The following DPF3 variants were observed in gnomAD, a reference collection of about 807,000 sequenced individuals.
The protein encoded by DPF3 is zinc finger protein DPF3.
A neutral mutation model predicts 56.8 loss-of-function variants in DPF3; 18 were observed. The observed-to-expected ratio is 0.32, with a 90% CI of 0.22 to 0.47. The LOEUF is 0.47. Among genes scored for constraint, DPF3 ranks in the 20% least tolerant of loss-of-function variants. The probability of loss-of-function intolerance (pLI) is 1.00; values close to 1 mark genes in which losing one functional copy is unlikely to be tolerated. For missense variants in DPF3, 403 were observed against 488.8 expected (o/e 0.82, Z 1.65); for synonymous variants, 188 against 180.2 (o/e 1.04, Z -0.35).
intron 1 of DPF3, among the ~76,000 whole-genome samples, chr14:72,829,762 G>C (rs1358197781): frequency 6.7e-6 from 1 of 149,522 alleles, no homozygotes; most frequent in African/African-American, 2.5e-5. Flanking sequence ...ATTTTTTTTT[G>C]AGACAGAGTC....
At chr14:72,850,117 T>TA (rs562352816) in intron 1 of DPF3, among the ~76,000 whole-genome samples, 5,649 of 150,308 alleles carry the variant, frequency 0.038, 174 homozygotes, top group Admixed American at 0.083. Context: ...AAACTCCATC[T>TA]AAAAAAAAAA....
intron 9 of DPF3, among the ~76,000 whole-genome samples, chr14:72,622,585 A>C (rs571212514): frequency 6.6e-6 from 1 of 152,282 alleles, no homozygotes; most frequent in African/African-American, 2.4e-5. Context: ...AATTTCCCAA[A>C]GGAAAACTAG....
At position 72,853,034 on chromosome 14, in the gene DPF3, C is replaced by CGT. The variant is rs10522943; in HGVS notation, c.32+41021_32+41022dup. Among the ~76,000 whole-genome samples the CGT allele has an allele frequency of 1.6e-3, 228 of 144,108 alleles. 5 individuals carry two copies. Among genetic ancestry groups the CGT allele is most frequent in the East Asian group, 7.4e-3 (34 of 4,606 alleles). 94.5% of individuals were successfully genotyped at this position (144,108 alleles called of 152,430 possible). On this transcript the variant is annotated intron_variant, in intron 1 of 10. Coordinates refer to ENST00000556509, the MANE Select transcript of DPF3 (RefSeq NM_001280542.3). Reference sequence around the variant, plus strand: ...CAACAACTATTCTGCCATAGCCTTGCGTGTGTGTGTGTGTATGTGTGTGTG... The same window carrying CGT: ...CAACAACTATTCTGCCATAGCCTTGCGTGTGTGTGTGTGTGTATGTGTGTGTG...
At chr14:72,731,692 T>C in intron 4 of DPF3, 115 bp downstream of exon 4, 1 of 1,430,614 alleles carries the variant, frequency 7.0e-7, no homozygotes, top group Non-Finnish European at 9.5e-7. Context: ...CAAGGCAGTC[T>C]GAGACTGAGC....
chr14:72,845,684 C>G lies in DPF3; in HGVS notation c.32+48373G>C, dbSNP rs1428414998. Among the ~76,000 whole-genome samples the G allele has an allele frequency of 2.0e-5, 3 of 152,192 alleles. No homozygotes were observed. The East Asian group carries it at 5.8e-4, about 29-fold the overall frequency. ...ATAAAAGGTATTAAAGCTCCTGGGA[C>G]CACAGAAGAGACAGGGCAGAAAGCT... On this transcript the variant is annotated intron_variant, in intron 1 of 10. Coordinates refer to ENST00000556509, the MANE Select transcript of DPF3 (RefSeq NM_001280542.3).
intron 1 of DPF3, among the ~76,000 whole-genome samples, chr14:72,832,250 T>G (rs772728892): frequency 2.1e-4 from 32 of 151,818 alleles, no homozygotes; most frequent in Admixed American, 3.9e-4. Context: ...AATAAAAAAT[T>G]TTGAGGGAGA....
At position 72,863,119 on chromosome 14, in the gene DPF3, T is replaced by C. The variant is rs919185973; in HGVS notation, c.32+30938A>G. ...ATATATATGTGTGTGTATACATATA[T>C]GTGTGTGTGTGTGTGTGTATATATA... On this transcript the variant is annotated intron_variant, in intron 1 of 10. Coordinates refer to ENST00000556509, the MANE Select transcript of DPF3 (RefSeq NM_001280542.3). Among the ~76,000 whole-genome samples the C allele has an allele frequency of 3.4e-4, 18 of 52,788 alleles. 1 individual carries two copies. The highest frequency in any genetic ancestry group is 2.0e-3 in the African/African-American group (18 of 9,136). 34.6% of individuals were successfully genotyped at this position (52,788 alleles called of 152,430 possible). A position where few individuals can be genotyped will look rare whatever the true frequency, so the allele number is the denominator to read the frequency against.
chr14:72,684,582 G>A (rs957187639), intron 7 of DPF3, among the ~76,000 whole-genome samples: 6 of 151,860 alleles, frequency 4.0e-5, no homozygotes, highest in Middle Eastern at 3.4e-3. Flanking sequence ...GAATGAGAGA[G>A]AAAGACTCAG....
At chr14:72,840,353 A>G (rs969380940) in intron 1 of DPF3, among the ~76,000 whole-genome samples, 2 of 152,180 alleles carry the variant, frequency 1.3e-5, no homozygotes, top group African/African-American at 4.8e-5. Context: ...TCCTTTATGC[A>G]TATGTATACA....
At chr14:72,891,092 C>T (rs1886733722) in intron 1 of DPF3, among the ~76,000 whole-genome samples, 1 of 152,150 alleles carries the variant, frequency 6.6e-6, no homozygotes, top group Admixed American at 6.5e-5. Context: ...CAAAATTGTG[C>T]CATCCCATCA....
At chr14:72,627,952 C>T (rs1884932674) in intron 9 of DPF3, among the ~76,000 whole-genome samples, 1 of 152,054 alleles carries the variant, frequency 6.6e-6, no homozygotes, top group Admixed American at 6.6e-5. Context: ...TATGAGAAGG[C>T]TGTTAATTAT....
chr14:72,723,499 G>T, intron 5 of DPF3, 134 bp downstream of exon 5: 1 of 784,658 alleles, frequency 1.3e-6, no homozygotes, highest in Non-Finnish European at 2.0e-6. Context: ...AGCTCTTCTG[G>T]AGTTTTCTCC....
At chr14:72,697,853 G>T (rs1424274862) in intron 6 of DPF3, among the ~76,000 whole-genome samples, 1 of 152,174 alleles carries the variant, frequency 6.6e-6, no homozygotes, top group East Asian at 1.9e-4. Flanking sequence ...AACCCAGAAA[G>T]ACTAACATGG....
At chr14:72,784,653 T>C (rs577343665) in intron 1 of DPF3, among the ~76,000 whole-genome samples, 11 of 152,204 alleles carry the variant, frequency 7.2e-5, no homozygotes, top group Non-Finnish European at 1.6e-4. Flanking sequence ...TCAGCCTAAG[T>C]CTCCAATTCA....
chr14:72,609,184 C>T lies in DPF3; in HGVS notation c.*10113G>A, dbSNP rs1031908272. On this transcript the variant is annotated 3_prime_UTR_variant, in exon 11 of 11. Coordinates refer to ENST00000556509, the MANE Select transcript of DPF3 (RefSeq NM_001280542.3). ...GGGCTTGTGACTCAGTCTTTGAGAA[C>T]GTGCGAGCATTCCATGGGATATCGA... 5.3e-5 allele frequency among the ~76,000 whole-genome samples: 8 copies of T among 152,144 alleles called. No homozygotes were observed. The highest frequency in any genetic ancestry group is 9.7e-5 in the African/African-American group (4 of 41,432).
chr14:72,725,353 G>A (rs1889358443), intron 4 of DPF3, among the ~76,000 whole-genome samples: 1 of 152,128 alleles, frequency 6.6e-6, no homozygotes, highest in Non-Finnish European at 1.5e-5. Context: ...AGGGCCAGGG[G>A]AGGCCTACAT....
Position 72,703,039 on chromosome 14 carries a change from T to C in DPF3, c.605-9826A>G, listed in dbSNP as rs182664292. Among the ~76,000 whole-genome samples the C allele has an allele frequency of 2.6e-5, 4 of 152,292 alleles. No individual in the cohort carries two copies. In the East Asian group the frequency reaches 7.7e-4, roughly 29 times the overall value. ...TTATCTGCAGAATATGGGGGTTGGA[T>C]CAGATGATCTCTAAGTCCTTTGCAT... On this transcript the variant is annotated intron_variant, in intron 6 of 10. Transcript: ENST00000556509.
At chr14:72,892,365 T>G (rs760208536) in intron 1 of DPF3, 5 of 1,531,272 alleles carry the variant, frequency 3.3e-6, no homozygotes, top group Non-Finnish European at 3.5e-6. Flanking sequence ...GGTGAAACGC[T>G]GTGGCGTTCA....
intron 7 of DPF3, chr14:72,675,461 G>A (rs1308191562): frequency 1.3e-5 from 2 of 152,226 alleles, no homozygotes; most frequent in Non-Finnish European, 2.9e-5. Flanking sequence ...CCCAGTGTCT[G>A]CTGCTGCCTT....
Sources: allele counts gnomAD v4.1 joint callset (sites outside exome capture counted in the v4.1 genomes callset), GRCh38; gene constraint gnomAD v4.1.1; transcripts MANE v1.5; gene names NCBI Gene and HGNC (gene_info 2026-07-23, HGNC 2026-07-21).